SGCZ: variants seen among roughly 807,000 people sequenced by gnomAD.
The protein encoded by SGCZ is zeta-sarcoglycan.
Under a neutral mutation model 41.3 loss-of-function variants are expected in SGCZ, and 40 were observed. The observed-to-expected ratio is 0.97, with a 90% confidence interval of 0.75 to 1.26. SGCZ has a LOEUF of 1.26. Ranked by LOEUF, SGCZ falls within the 50% of genes most tolerant of loss-of-function variation. The probability of loss-of-function intolerance (pLI) is 0.00; values close to 1 mark genes in which losing one functional copy is unlikely to be tolerated. For missense variants in SGCZ, 552 were observed against 369.8 expected (o/e 1.49, Z -4.04); for synonymous variants, 206 against 137.5 (o/e 1.50, Z -3.49).
At chr8:14,170,187 C>A (rs753393266) in intron 4 of SGCZ, among the ~76,000 whole-genome samples, 1 of 151,400 alleles carries the variant, frequency 6.6e-6, no homozygotes, top group South Asian at 2.1e-4. Flanking sequence ...CATCTCCCCC[C>A]GCACCGAATC....
In SGCZ at chr8:14,180,425, C is replaced by T. The variant is rs561264862; in HGVS notation, c.425-15723G>A. On this transcript the variant is annotated intron_variant, in intron 4 of 7. Coordinates refer to ENST00000382080, the MANE Select transcript of SGCZ (RefSeq NM_139167.4). The stretch of plus-strand genomic sequence containing the variant: ...ACCAGGCCAACCACCATATGGGGAC[C>T]CCACTAATAACTCTAGGGCCTGGTA... 2.6e-5 allele frequency among the ~76,000 whole-genome samples: 4 copies of T among 152,206 alleles called. No individual in the cohort carries two copies. The South Asian group carries it at 8.3e-4, about 32-fold the overall frequency.
intron 1 of SGCZ, among the ~76,000 whole-genome samples, chr8:15,018,110 A>C (rs978315480): frequency 3.3e-5 from 5 of 152,188 alleles, no homozygotes; most frequent in Admixed American, 1.3e-4. Flanking sequence ...ACAACTAAGA[A>C]GAAGTTAATT....
At chr8:15,175,983 C>A (rs180941114) in intron 1 of SGCZ, among the ~76,000 whole-genome samples, 39 of 152,196 alleles carry the variant, frequency 2.6e-4, no homozygotes, top group African/African-American at 8.9e-4. Flanking sequence ...GCATTAAACA[C>A]CAGGATGAAG....
At chr8:14,265,361 A>C (rs953206895) in intron 3 of SGCZ, among the ~76,000 whole-genome samples, 1 of 152,196 alleles carries the variant, frequency 6.6e-6, no homozygotes, top group African/African-American at 2.4e-5. Context: ...TGATTTTAGT[A>C]GTTCCATTTC....
chr8:14,918,364 T>C (rs1713160046), intron 1 of SGCZ, among the ~76,000 whole-genome samples: 1 of 152,086 alleles, frequency 6.6e-6, no homozygotes, highest in Non-Finnish European at 1.5e-5. Flanking sequence ...AAGAAGCACA[T>C]GGATTAAACA....
intron 1 of SGCZ, among the ~76,000 whole-genome samples, chr8:14,858,964 T>G (rs977226623): frequency 2.5e-4 from 38 of 152,156 alleles, no homozygotes; most frequent in African/African-American, 9.2e-4. Flanking sequence ...TTCCTTTGAT[T>G]ATAGATTTAC....
intron 1 of SGCZ, among the ~76,000 whole-genome samples, chr8:14,562,270 G>C (rs879909799): frequency 6.6e-6 from 1 of 152,074 alleles, no homozygotes; most frequent in Non-Finnish European, 1.5e-5. Flanking sequence ...TTGAGCCTCC[G>C]AGCAGAAGAT....
At chr8:14,275,457 C>T (rs1340735653) in intron 3 of SGCZ, among the ~76,000 whole-genome samples, 1 of 152,138 alleles carries the variant, frequency 6.6e-6, no homozygotes, top group Non-Finnish European at 1.5e-5. Context: ...GGCCTGCTGA[C>T]ATTAGCTGTC....
At chr8:14,455,887 A>T (rs1166534263) in intron 2 of SGCZ, among the ~76,000 whole-genome samples, 2 of 152,232 alleles carry the variant, frequency 1.3e-5, no homozygotes, top group African/African-American at 4.8e-5. Flanking sequence ...TCATGTGAAA[A>T]AGGAGTTTAC....
intron 1 of SGCZ, among the ~76,000 whole-genome samples, chr8:14,797,755 G>T (rs573896520): frequency 6.6e-6 from 1 of 152,114 alleles, no homozygotes; most frequent in Non-Finnish European, 1.5e-5. Flanking sequence ...GGTTTCCTGG[G>T]GTGGGTCCAG....
chr8:14,919,659 T>C (rs1799534708), intron 1 of SGCZ, among the ~76,000 whole-genome samples: 1 of 152,206 alleles, frequency 6.6e-6, no homozygotes, highest in African/African-American at 2.4e-5. Context: ...GGCTCACGCC[T>C]GTAACCTCAG....
At chr8:15,052,251 C>T (rs1268180546) in intron 1 of SGCZ, among the ~76,000 whole-genome samples, 3 of 152,168 alleles carry the variant, frequency 2.0e-5, no homozygotes, top group East Asian at 3.9e-4. Context: ...AAGAAAAGTC[C>T]TCCAGCTGTG....
chr8:14,232,450 C>T (rs1806605542), intron 4 of SGCZ, among the ~76,000 whole-genome samples: 1 of 151,956 alleles, frequency 6.6e-6, no homozygotes, highest in African/African-American at 2.4e-5. Flanking sequence ...TAATTGCTTG[C>T]AAATGACATT....
At chr8:14,884,987 C>G (rs1804734269) in intron 1 of SGCZ, among the ~76,000 whole-genome samples, 1 of 152,086 alleles carries the variant, frequency 6.6e-6, no homozygotes, top group Admixed American at 6.6e-5. Flanking sequence ...CGACAGCATT[C>G]TCCACCCACT....
chr8:14,664,489 G>C (rs1807845777), intron 1 of SGCZ, among the ~76,000 whole-genome samples: 1 of 152,126 alleles, frequency 6.6e-6, no homozygotes, highest in Admixed American at 6.5e-5. Flanking sequence ...TATAGGAATA[G>C]AAAAAGATAT....
In SGCZ at chr8:14,102,495, C is replaced by A. The variant is rs140251734; in HGVS notation, c.625G>T (p.Glu209Ter). ...ATGATCAAGGATCTGGTGGGTGATT[C>A]AAGCCTAAGGGAAAAACAAAAAATC... Reference protein sequence around the residue: ...RAEPSQDLRLESPTRSLIMEA... With the variant: ...RAEPSQDLRL The change falls in exon 7 of 8, where the codon GAA (glutamate) becomes TAA (stop). Residue 209 changes from glutamate to a stop codon, truncating the protein, a stop_gained. Transcript: ENST00000382080. LOFTEE classifies it high-confidence loss of function. 4.3e-6 allele frequency: 6 copies of A among 1,410,416 alleles called. No individual in the cohort carries two copies. Among genetic ancestry groups the A allele is most frequent in the East Asian group, 2.6e-5 (1 of 38,284 alleles). The allele number at this position is 1,410,416 out of a possible 1,614,324, so 87.4% of individuals were successfully genotyped here.
intron 1 of SGCZ, among the ~76,000 whole-genome samples, chr8:14,781,993 G>T (rs1800603163): frequency 6.6e-6 from 1 of 152,094 alleles, no homozygotes; most frequent in Non-Finnish European, 1.5e-5. Flanking sequence ...CTTGTAAATT[G>T]AACCATCCTG....
At chr8:14,272,715 T>C (rs1229431374) in intron 3 of SGCZ, among the ~76,000 whole-genome samples, 2 of 152,178 alleles carry the variant, frequency 1.3e-5, no homozygotes, top group Non-Finnish European at 2.9e-5. Context: ...AGGGAATGAC[T>C]CTAAGTTTAC....
At chr8:14,448,781 C>T (rs79955214) in intron 2 of SGCZ, among the ~76,000 whole-genome samples, 19,810 of 152,110 alleles carry the variant, frequency 0.13, 1,306 homozygotes, top group African/African-American at 0.15. Flanking sequence ...CTCCTCAGTT[C>T]AACGTCTGCC....
Sources: gnomAD v4.1 joint callset for allele counts (sites outside exome capture counted in the v4.1 genomes callset) on GRCh38, gnomAD v4.1.1 for gene constraint, MANE v1.5 for transcripts, NCBI Gene and HGNC (gene_info 2026-07-23, HGNC 2026-07-21) for gene names.